KANK1: variants seen among roughly 807,000 people sequenced by gnomAD.
The protein encoded by KANK1 is KN motif and ankyrin repeat domains 1, also known as KN motif and ankyrin repeat domain-containing protein 1.
KANK1 carries 109 observed loss-of-function variants against 106.2 expected under a neutral mutation model. The observed-to-expected ratio is 1.03, with a 90% confidence interval of 0.88 to 1.20. KANK1 has a LOEUF of 1.20. Among genes scored for constraint, KANK1 ranks in the 50% most tolerant of loss-of-function variants. The probability of loss-of-function intolerance (pLI) is 0.00; values close to 1 mark genes in which losing one functional copy is unlikely to be tolerated. For synonymous variants in KANK1, 873 were observed against 652.2 expected, an observed-to-expected ratio of 1.34 and a Z score of -5.16; for missense variants, 2,399 against 1,710.7, an observed-to-expected ratio of 1.40 and a Z score of -7.10.
chr9:547,162 G>A (rs1401121111), intron 1 of KANK1, among the ~76,000 whole-genome samples: 1 of 152,198 alleles, frequency 6.6e-6, no homozygotes, highest in Non-Finnish European at 1.5e-5. Context: ...CCTTAGACAT[G>A]CTGGCTGCTC....
chr9:625,527 G>GA (rs1834136186), intron 1 of KANK1, among the ~76,000 whole-genome samples: 1 of 151,800 alleles, frequency 6.6e-6, no homozygotes, highest in African/African-American at 2.4e-5. Context: ...CCTTCTCATA[G>GA]TTATCCGTTG....
intron 6 of KANK1, chr9:734,108 C>CAAAAAAAAAAAAAAAAA (rs34096121): frequency 1.7e-5 from 1 of 60,406 alleles, no homozygotes; most frequent in Non-Finnish European, 2.7e-5. Flanking sequence ...GACCTTGTCT[C>CAAAAAAAAAAAAAAAAA]AAAAAAAAAA....
intron 2 of KANK1, chr9:693,450 A>G (rs1419920637): frequency 1.0e-6 from 1 of 985,438 alleles, no homozygotes; most frequent in South Asian, 4.7e-5. Flanking sequence ...CTGCATTTCT[A>G]GGTCAGCATT....
At chr9:494,595 T>A (rs1203671605) in intron 3 of KANK1, among the ~76,000 whole-genome samples, 1 of 152,210 alleles carries the variant, frequency 6.6e-6, no homozygotes, top group African/African-American at 2.4e-5. Context: ...CCCCACTTGC[T>A]CTGGGGGAAA....
chr9:730,424 G>T, intron 4 of KANK1, 176 bp downstream of exon 4: 2 of 684,546 alleles, frequency 2.9e-6, no homozygotes, highest in Non-Finnish European at 4.9e-6. Flanking sequence ...GGGCATGGTG[G>T]CTCACACCTG....
intron 1 of KANK1, among the ~76,000 whole-genome samples, chr9:564,728 G>A (rs138693342): frequency 6.6e-6 from 1 of 152,272 alleles, no homozygotes; most frequent in East Asian, 1.9e-4. Context: ...CACTCTTTCA[G>A]GAGATGCCCT....
intron 1 of KANK1, among the ~76,000 whole-genome samples, chr9:667,254 C>T (rs1474517347): frequency 1.3e-5 from 2 of 151,754 alleles, no homozygotes; most frequent in Non-Finnish European, 2.9e-5. Context: ...TCTTTGTACT[C>T]CTATGGTCTC....
chr9:491,487 T>C (rs1032073897), intron 3 of KANK1, among the ~76,000 whole-genome samples: 1 of 151,858 alleles, frequency 6.6e-6, no homozygotes, highest in Non-Finnish European at 1.5e-5. Flanking sequence ...CAGGATGCTC[T>C]CAATGTCTTG....
At chr9:608,104 C>G (rs893136695) in intron 1 of KANK1, among the ~76,000 whole-genome samples, 1 of 144,638 alleles carries the variant, frequency 6.9e-6, no homozygotes, top group Non-Finnish European at 1.5e-5. Flanking sequence ...GTGGCGCAAT[C>G]TCGGCTCACT....
chr9:666,900 T>C (rs1844722924), intron 1 of KANK1, among the ~76,000 whole-genome samples: 1 of 104,226 alleles, frequency 9.6e-6, no homozygotes, highest in Non-Finnish European at 2.0e-5. Flanking sequence ...CCTATTGTTG[T>C]CTTTTTTTTT....
At chr9:728,194 GTTTCT>G (rs1218196886) in intron 3 of KANK1, among the ~76,000 whole-genome samples, 69 of 151,730 alleles carry the variant, frequency 4.5e-4, no homozygotes, top group African/African-American at 1.6e-3. Context: ...TTTTTGTTTT[GTTTCT>G]TTTGTTTTCT....
rs760205793 is a variant in KANK1, at chr9:711,155, C to T, written c.389C>T (p.Pro130Leu). 6.2e-7 allele frequency: 1 copy of T among 1,614,200 alleles called. No homozygotes were observed. Among genetic ancestry groups the T allele is most frequent in the Non-Finnish European group, 8.5e-7 (1 of 1,180,032 alleles). The change falls in exon 3 of 12, where the codon CCT (proline) becomes CTT (leucine). Residue 130 changes from proline (P) to leucine (L), a missense_variant. Pro to Leu is a moderately conservative substitution (Grantham distance 98). Coordinates refer to ENST00000382297, the MANE Select transcript of KANK1 (RefSeq NM_015158.5). ...CCTCCCCCTCTGGAGACCTCACTCC[C>T]TTTTCTTACCATCCCAGAAAATCGA... Reference protein sequence around the residue: ...KPPPPLETSLPFLTIPENRQL... With the variant: ...KPPPPLETSLLFLTIPENRQL...
chr9:673,713 C>T (rs1217234408), intron 1 of KANK1: 5 of 152,074 alleles, frequency 3.3e-5, no homozygotes, highest in African/African-American at 1.2e-4. Flanking sequence ...TAGGAAGATT[C>T]TGGGCACATC....
At chr9:645,322 C>G (rs1384891757) in intron 1 of KANK1, among the ~76,000 whole-genome samples, 1 of 148,076 alleles carries the variant, frequency 6.8e-6, no homozygotes, top group African/African-American at 2.6e-5. Context: ...CATCTGTAAT[C>G]CCAGCTACTG....
chr9:494,098 G>A (rs2058422131), intron 3 of KANK1, among the ~76,000 whole-genome samples: 2 of 151,142 alleles, frequency 1.3e-5, no homozygotes, highest in Middle Eastern at 3.4e-3. Context: ...AGCCAGGCTG[G>A]TCTGGAACTC....
In KANK1 at chr9:668,241, C is replaced by T. The variant is rs75913694; in HGVS notation, c.-83-8649C>T. Among the ~76,000 whole-genome samples, 1,411 of 152,212 alleles carry T rather than the reference C, an allele frequency of 9.3e-3. 21 individuals carry two copies. The highest frequency in any genetic ancestry group is 0.032 in the African/African-American group (1,335 of 41,512). Reference sequence around the variant, plus strand: ...TAAATATCAGTTGGACCTATTTGGTCTGATGTGTAGTTTGATACAATGGTT... The same window carrying T: ...TAAATATCAGTTGGACCTATTTGGTTTGATGTGTAGTTTGATACAATGGTT... On this transcript the variant is annotated intron_variant, in intron 1 of 11. Coordinates refer to ENST00000382297, the MANE Select transcript of KANK1 (RefSeq NM_015158.5).
At chr9:631,947 A>T (rs1250336203) in intron 1 of KANK1, among the ~76,000 whole-genome samples, 1 of 152,216 alleles carries the variant, frequency 6.6e-6, no homozygotes, top group Non-Finnish European at 1.5e-5. Context: ...CACCAATAGG[A>T]TAAGTATTTA....
chr9:504,298 C>T (rs12344733), upstream of KANK1, among the ~76,000 whole-genome samples: 1 of 150,826 alleles, frequency 6.6e-6, no homozygotes, highest in Admixed American at 6.6e-5. Context: ...GAGCGAACCG[C>T]GGTGGAGGAA....
At chr9:679,734 G>T (rs887941823) in intron 2 of KANK1, among the ~76,000 whole-genome samples, 3 of 152,138 alleles carry the variant, frequency 2.0e-5, no homozygotes, top group Admixed American at 6.6e-5. Flanking sequence ...GATGTGTGTT[G>T]TATTGTCTGA....
Sources: allele counts gnomAD v4.1 joint callset (sites outside exome capture counted in the v4.1 genomes callset), GRCh38; gene constraint gnomAD v4.1.1; transcripts MANE v1.5; gene names NCBI Gene and HGNC (gene_info 2026-07-23, HGNC 2026-07-21).